Variants in PDE1C observed in about 807,000 individuals in gnomAD.
PDE1C encodes the protein phosphodiesterase 1C, also known as dual specificity calcium/calmodulin-dependent 3',5'-cyclic nucleotide phosphodiesterase 1C.
In PDE1C, 62 loss-of-function variants were observed where a neutral mutation model predicts 93.1. The ratio of observed to expected loss-of-function variants is 0.67; its 90% confidence interval spans 0.54 to 0.82. The LOEUF (loss-of-function observed/expected upper bound fraction) is 0.82, where lower values mean the gene tolerates loss of function less well. PDE1C is among the 40% of genes least tolerant of loss of function. PDE1C has a pLI of 0.00. For synonymous variants in PDE1C, 325 were observed against 310.1 expected (o/e 1.05, Z -0.50); for missense variants, 742 against 884.6 (o/e 0.84, Z 2.04).
chr7:31,992,112 G>A (rs190086592), intron 2 of PDE1C, among the ~76,000 whole-genome samples: 26 of 152,338 alleles, frequency 1.7e-4, no homozygotes, highest in Admixed American at 1.4e-3. Context: ...GTTCCCCAGT[G>A]GGATCCCATG....
At chr7:32,204,141 T>A (rs1805236054) in intron 2 of PDE1C, among the ~76,000 whole-genome samples, 1 of 151,902 alleles carries the variant, frequency 6.6e-6, no homozygotes, top group Non-Finnish European at 1.5e-5. Context: ...GTCACTAACG[T>A]GTAGGTAGCA....
At chr7:32,392,040 G>T (rs1784759849) in intron 1 of PDE1C, among the ~76,000 whole-genome samples, 1 of 151,926 alleles carries the variant, frequency 6.6e-6, no homozygotes, top group Admixed American at 6.6e-5. Flanking sequence ...TTTTTAAAAA[G>T]TTGGTTCTTT....
chr7:31,931,061 C>A (rs1284216708), intron 2 of PDE1C, among the ~76,000 whole-genome samples: 2 of 151,978 alleles, frequency 1.3e-5, no homozygotes, highest in Non-Finnish European at 2.9e-5. Context: ...AAGCACTCAA[C>A]AAACTAGGTA....
chr7:32,188,142 G>GT (rs988662011), intron 2 of PDE1C, among the ~76,000 whole-genome samples: 4 of 150,330 alleles, frequency 2.7e-5, no homozygotes, highest in African/African-American at 4.9e-5. Flanking sequence ...AGTCTGATAG[G>GT]TTTTTTTTCT....
At chr7:32,053,564 T>C (rs1269875121) in intron 1 of PDE1C, among the ~76,000 whole-genome samples, 1 of 152,048 alleles carries the variant, frequency 6.6e-6, no homozygotes, top group Admixed American at 6.6e-5. Context: ...AAGGAGGCAG[T>C]TGGAAAAGAA....
In PDE1C at chr7:31,800,546, A is replaced by ACATGTAGAT. The variant is rs1409105301; in HGVS notation, c.1891+8476_1891+8484dup. Among the ~76,000 whole-genome samples the ACATGTAGAT allele has an allele frequency of 2.0e-5, 3 of 151,510 alleles. No homozygotes were observed. In the East Asian group the frequency reaches 5.8e-4, roughly 29 times the overall value. On this transcript the variant is annotated intron_variant, in intron 16 of 17. Transcript: ENST00000396191. ...TTTATTAAAAATAAATAGTCCATAC[A>ACATGTAGAT]CATGTAGATCTATTTTTGGAGTATC...
intron 9 of PDE1C, among the ~76,000 whole-genome samples, chr7:31,845,322 T>C (rs755772238): frequency 2.0e-5 from 3 of 152,194 alleles, no homozygotes; most frequent in Non-Finnish European, 2.9e-5. Context: ...TCTTTATATG[T>C]CACTTAGATT....
intron 1 of PDE1C, among the ~76,000 whole-genome samples, chr7:32,290,082 G>C (rs1812239939): frequency 6.6e-6 from 1 of 152,122 alleles, no homozygotes; most frequent in Non-Finnish European, 1.5e-5. Flanking sequence ...CCTGGGGAAG[G>C]CCTGGTTCTC....
chr7:31,832,246 A>T (rs3801350), intron 11 of PDE1C, among the ~76,000 whole-genome samples: 108,613 of 151,818 alleles, frequency 0.72, 39,072 homozygotes, highest in East Asian at 0.76. Flanking sequence ...ATTGTAAGAG[A>T]TGTTTGCAAA....
At chr7:32,016,515 TAAAG>T (rs923328514) in intron 2 of PDE1C, among the ~76,000 whole-genome samples, 2 of 152,196 alleles carry the variant, frequency 1.3e-5, no homozygotes, top group Non-Finnish European at 2.9e-5. Context: ...TTTCTTATCT[TAAAG>T]AAAACAATGG....
chr7:31,680,532 T>C, the PDE1C span, among the ~76,000 whole-genome samples: 1 of 152,334 alleles, frequency 6.6e-6, no homozygotes, highest in East Asian at 1.9e-4. Context: ...TTTACACCTG[T>C]AACATAAAGT....
chr7:32,021,082 G>T (rs1788604254), intron 2 of PDE1C, among the ~76,000 whole-genome samples: 1 of 152,090 alleles, frequency 6.6e-6, no homozygotes, highest in South Asian at 2.1e-4. Flanking sequence ...TCTAATTTGA[G>T]TGTGATCCAG....
At chr7:32,045,535 T>C (rs11762126) in intron 2 of PDE1C, among the ~76,000 whole-genome samples, 18,648 of 152,176 alleles carry the variant, frequency 0.12, 1,239 homozygotes, top group African/African-American at 0.18. Flanking sequence ...TGAAAATCAA[T>C]ACTACTAAGT....
chr7:32,005,065 C>T (rs975680994), intron 2 of PDE1C, among the ~76,000 whole-genome samples: 3 of 152,062 alleles, frequency 2.0e-5, no homozygotes, highest in Admixed American at 6.5e-5. Context: ...AACCTAGCAC[C>T]GTCACCAATG....
intron 1 of PDE1C, among the ~76,000 whole-genome samples, chr7:32,219,966 T>G (rs990788746): frequency 6.6e-6 from 1 of 152,164 alleles, no homozygotes; most frequent in African/African-American, 2.4e-5. Flanking sequence ...TCTCACGAGA[T>G]CTGATGATTT....
At chr7:31,994,223 G>T (rs1204865331) in intron 2 of PDE1C, among the ~76,000 whole-genome samples, 1 of 152,092 alleles carries the variant, frequency 6.6e-6, no homozygotes, top group South Asian at 2.1e-4. Context: ...TCTTGAGTAA[G>T]CCCCCAAATT....
chr7:31,816,357 TAGA>T (rs1350434270), intron 14 of PDE1C, among the ~76,000 whole-genome samples: 1 of 146,020 alleles, frequency 6.8e-6, no homozygotes. Context: ...TGAAAACAGT[TAGA>T]GGAGAGGTCA....
intron 1 of PDE1C, among the ~76,000 whole-genome samples, chr7:32,252,999 A>G (rs1400557824): frequency 3.3e-5 from 5 of 152,182 alleles, no homozygotes; most frequent in African/African-American, 9.7e-5. Context: ...GAAGCCATCA[A>G]AGGGTTCTAA....
chr7:31,651,053 T>A, the PDE1C span: 1 of 1,457,308 alleles, frequency 6.9e-7, no homozygotes, highest in Non-Finnish European at 9.2e-7. Flanking sequence ...AAAAAAGGGA[T>A]CCCAAATGGG....
Sources: gnomAD v4.1 joint callset for allele counts (sites outside exome capture counted in the v4.1 genomes callset) on GRCh38, gnomAD v4.1.1 for gene constraint, MANE v1.5 for transcripts, NCBI Gene and HGNC (gene_info 2026-07-23, HGNC 2026-07-21) for gene names.